The following GABBR2 variants were observed in gnomAD, a reference collection of about 807,000 sequenced individuals.
GABBR2 encodes G-protein coupled receptor 51.
A neutral mutation model predicts 105.6 loss-of-function variants in GABBR2; 23 were observed. The observed-to-expected ratio is 0.22, with a 90% CI of 0.16 to 0.31. The LOEUF (loss-of-function observed/expected upper bound fraction) is 0.31. Among genes scored for constraint, GABBR2 ranks in the 10% least tolerant of loss-of-function variants. The probability of loss-of-function intolerance (pLI) is 1.00; values close to 1 mark genes in which losing one functional copy is unlikely to be tolerated. For missense variants in GABBR2, 734 were observed against 1,245.5 expected (o/e 0.59, Z 6.18); for synonymous variants, 478 against 499.7 (o/e 0.96, Z 0.58).
chr9:98,541,516 C>CTCCTCACAG (rs1828303882), intron 3 of GABBR2, among the ~76,000 whole-genome samples: 1 of 152,174 alleles, frequency 6.6e-6, no homozygotes, highest in Admixed American at 6.5e-5. Flanking sequence ...CCCCAAAACT[C>CTCCTCACAG]TCCTCACAGA....
intron 4 of GABBR2, among the ~76,000 whole-genome samples, chr9:98,481,411 C>G (rs972462258): frequency 6.6e-6 from 1 of 152,338 alleles, no homozygotes; most frequent in East Asian, 1.9e-4. Flanking sequence ...GAGAAAGGAG[C>G]TTCTAAGGCC....
At chr9:98,667,744 A>G (rs1361914974) in intron 1 of GABBR2, among the ~76,000 whole-genome samples, 1 of 152,164 alleles carries the variant, frequency 6.6e-6, no homozygotes, top group Non-Finnish European at 1.5e-5. Context: ...CTGCACGCAC[A>G]TCTGTTTGGA....
intron 1 of GABBR2, among the ~76,000 whole-genome samples, chr9:98,692,336 A>G (rs1830692241): frequency 6.6e-6 from 1 of 152,206 alleles, no homozygotes; most frequent in Non-Finnish European, 1.5e-5. Context: ...GGTGGCCAGC[A>G]GTATGGATAT....
At chr9:98,514,544 C>T (rs1485330696) in intron 3 of GABBR2, among the ~76,000 whole-genome samples, 1 of 148,780 alleles carries the variant, frequency 6.7e-6, no homozygotes, top group Non-Finnish European at 1.5e-5. Flanking sequence ...CAAACTATCG[C>T]AAGGACAAAA....
In GABBR2 at chr9:98,373,851, C is replaced by CTTT. The variant is rs577915397; in HGVS notation, c.1663-2283_1663-2281dup. Among the ~76,000 whole-genome samples the CTTT allele has an allele frequency of 9.4e-3, 811 of 86,706 alleles. 24 individuals carry two copies. The highest frequency in any genetic ancestry group is 0.017 in the East Asian group (46 of 2,706). 56.9% of individuals were successfully genotyped at this position (86,706 alleles called of 152,430 possible). On this transcript the variant is annotated intron_variant, in intron 11 of 18. Coordinates refer to ENST00000259455, the MANE Select transcript of GABBR2 (RefSeq NM_005458.8). ...TGTCACTCCAGTGTGCAAAGCATTC[C>CTTT]TTTTTTTTTTTTTTTTTTTTTTTTG...
intron 2 of GABBR2, among the ~76,000 whole-genome samples, chr9:98,546,083 G>A (rs1828395321): frequency 6.6e-6 from 1 of 152,078 alleles, no homozygotes; most frequent in Non-Finnish European, 1.5e-5. Flanking sequence ...ATTATTTTGA[G>A]AATTTGGCAA....
chr9:98,379,466 A>G (rs937706203), intron 11 of GABBR2, among the ~76,000 whole-genome samples: 3 of 152,054 alleles, frequency 2.0e-5, no homozygotes, highest in African/African-American at 4.8e-5. Flanking sequence ...ATGGGATTTT[A>G]CTATGTTGGC....
intron 1 of GABBR2, among the ~76,000 whole-genome samples, chr9:98,677,780 G>A (rs1588279624): frequency 6.6e-6 from 1 of 152,104 alleles, no homozygotes; most frequent in South Asian, 2.1e-4. Flanking sequence ...GGCCTGCAGT[G>A]GCTCTCCCTC....
intron 13 of GABBR2, among the ~76,000 whole-genome samples, chr9:98,361,378 C>CTTA (rs58676996): frequency 0.41 from 62,497 of 151,890 alleles, 15,153 homozygotes; most frequent in African/African-American, 0.68. Context: ...CATCATCGCT[C>CTTA]TTATCATCGT....
intron 13 of GABBR2, among the ~76,000 whole-genome samples, chr9:98,348,195 C>T (rs931777528): frequency 3.9e-5 from 6 of 152,162 alleles, no homozygotes; most frequent in Non-Finnish European, 7.4e-5. Flanking sequence ...AGAAGGTGTC[C>T]TTTCCCCAGT....
chr9:98,609,442 T>A (rs1166112790), intron 1 of GABBR2, among the ~76,000 whole-genome samples: 1 of 152,178 alleles, frequency 6.6e-6, no homozygotes, highest in Non-Finnish European at 1.5e-5. Flanking sequence ...ATCCAAAGCA[T>A]GCCCATATTT....
chr9:98,496,587 T>C, intron 3 of GABBR2, 73 bp from the exon 4 acceptor site: 1 of 1,002,822 alleles, frequency 1.0e-6, no homozygotes, highest in Non-Finnish European at 1.6e-6. Context: ...GGGGTCACCC[T>C]GGGGAAGTCA....
chr9:98,513,751 GAA>G (rs893232312), intron 3 of GABBR2, among the ~76,000 whole-genome samples: 10 of 152,112 alleles, frequency 6.6e-5, no homozygotes, highest in African/African-American at 2.2e-4. Flanking sequence ...AAAAAGTCAG[GAA>G]ACAACAGGTG....
rs1329707480 is a variant in GABBR2 at position 98,447,285 on chromosome 9, G to A, written c.1236+6696C>T. On this transcript the variant is annotated intron_variant, in intron 7 of 18. Transcript: ENST00000259455. ...ACCGTTTTTTAGCCGGGATGGTCTC[G>A]ATCTCCTGACCTCGTGATCCACCCG... 4.4e-5 allele frequency among the ~76,000 whole-genome samples: 5 copies of A among 114,102 alleles called. 1 individual carries two copies. Among genetic ancestry groups the A allele is most frequent in the African/African-American group, 1.6e-4 (5 of 32,130 alleles). 74.9% of individuals were successfully genotyped at this position (114,102 alleles called of 152,430 possible).
chr9:98,447,063 C>CTTTTTTTTTTTTTTTTTTTTTTTTT lies in GABBR2; in HGVS notation c.1236+6917_1236+6918insAAAAAAAAAAAAAAAAAAAAAAAAA, dbSNP rs369338702. Among the ~76,000 whole-genome samples, 8 of 116,358 alleles carry CTTTTTTTTTTTTTTTTTTTTTTTTT rather than the reference C, an allele frequency of 6.9e-5. 1 individual carries two copies. The East Asian group carries it at 1.1e-3, about 16-fold the overall frequency. 76.3% of individuals were successfully genotyped at this position (116,358 alleles called of 152,430 possible). On this transcript the variant is annotated intron_variant, in intron 7 of 18. Transcript: ENST00000259455. Reference sequence around the variant, plus strand: ...CCCAGATTCAACCTAAAAAAGACTTCTTTTTTTTTTTTTTTTGAGACGGAG... The same window carrying CTTTTTTTTTTTTTTTTTTTTTTTTT: ...CCCAGATTCAACCTAAAAAAGACTTCTTTTTTTTTTTTTTTTTTTTTTTTTTTTTTTTTTTTTTTTTGAGACGGAG...
intron 13 of GABBR2, among the ~76,000 whole-genome samples, chr9:98,328,616 G>T (rs1167830213): frequency 3.9e-5 from 6 of 152,170 alleles, no homozygotes; most frequent in Non-Finnish European, 7.3e-5. Flanking sequence ...ATAAGAGAGG[G>T]TTATTAAAAA....
intron 3 of GABBR2, among the ~76,000 whole-genome samples, chr9:98,517,495 C>T (rs1319341499): frequency 6.6e-6 from 1 of 152,154 alleles, no homozygotes; most frequent in Non-Finnish European, 1.5e-5. Flanking sequence ...CTGCTGAGAG[C>T]CCGAAACGCA....
At chr9:98,545,308 C>T (rs542841009) in intron 2 of GABBR2, among the ~76,000 whole-genome samples, 2 of 152,320 alleles carry the variant, frequency 1.3e-5, no homozygotes, top group East Asian at 3.9e-4. Context: ...TTAACTGGCA[C>T]TGACATTTTC....
chr9:98,628,399 C>T (rs540618624), intron 1 of GABBR2, among the ~76,000 whole-genome samples: 81 of 152,298 alleles, frequency 5.3e-4, no homozygotes, highest in Middle Eastern at 3.4e-3. Flanking sequence ...TGGCTACAAA[C>T]GTCCCCTGAA....
Sources: gnomAD v4.1 joint callset for allele counts (sites outside exome capture counted in the v4.1 genomes callset) on GRCh38, gnomAD v4.1.1 for gene constraint, MANE v1.5 for transcripts, NCBI Gene and HGNC (gene_info 2026-07-23, HGNC 2026-07-21) for gene names.